The following ABCC4 variants were observed in gnomAD, a reference collection of about 807,000 sequenced individuals.
The protein encoded by ABCC4 is ATP-binding cassette sub-family C member 4.
In ABCC4, 102 loss-of-function variants were observed where a neutral mutation model predicts 168.5. The observed-to-expected ratio is 0.61, with a 90% CI of 0.52 to 0.71. ABCC4 has a LOEUF of 0.71. Among genes scored for constraint, ABCC4 ranks in the 30% least tolerant of loss-of-function variants. ABCC4 has a pLI of 0.00. For synonymous variants in ABCC4, 617 were observed against 590.7 expected, an observed-to-expected ratio of 1.04 and a Z score of -0.65; for missense variants, 1,402 against 1,605.8, an observed-to-expected ratio of 0.87 and a Z score of 2.17.
At chr13:95,128,828 CA>C (rs1373483003) in intron 19 of ABCC4, among the ~76,000 whole-genome samples, 1 of 152,166 alleles carries the variant, frequency 6.6e-6, no homozygotes, top group Non-Finnish European at 1.5e-5. Flanking sequence ...CACAACTCCC[CA>C]TGAAAACCTA....
At chr13:95,037,724 C>T (rs920853703) in intron 29 of ABCC4, among the ~76,000 whole-genome samples, 1 of 152,192 alleles carries the variant, frequency 6.6e-6, no homozygotes, top group Admixed American at 6.5e-5. Flanking sequence ...TGGATAATAA[C>T]TGCATATTTT....
In ABCC4 at chr13:95,234,646, C is replaced by T. The variant is rs1594350209; in HGVS notation, c.495G>A (p.Arg165=). ...TCATATGGCACATGGCTACTCGTAACCTCATCCCAGCACACTGAACGTGAT... is the reference window on the plus strand; with the variant it reads ...TCATATGGCACATGGCTACTCGTAATCTCATCCCAGCACACTGAACGTGAT... ...YFYHVQCAGM[R]LRVAMCHMIY... Residue 165 remains arginine, a synonymous_variant, in exon 4 of 31, where the codon AGG becomes AGA. Transcript: ENST00000645237. 1.2e-6 allele frequency: 2 copies of T among 1,614,020 alleles called. No individual in the cohort carries two copies. Among genetic ancestry groups the T allele is most frequent in the Admixed American group, 1.7e-5 (1 of 59,986 alleles).
chr13:95,218,379 G>T (rs930872856), intron 4 of ABCC4, among the ~76,000 whole-genome samples: 4 of 152,184 alleles, frequency 2.6e-5, no homozygotes, highest in Admixed American at 2.6e-4. Context: ...GACTACCAAA[G>T]TCACATTCCT....
At chr13:95,102,988 C>T (rs1374989262) in intron 20 of ABCC4, among the ~76,000 whole-genome samples, 6 of 151,158 alleles carry the variant, frequency 4.0e-5, no homozygotes, top group African/African-American at 9.7e-5. Flanking sequence ...GAAGCTGGGC[C>T]GGGCGCAGTG....
chr13:95,099,325 G>A (rs1001465490), intron 20 of ABCC4, among the ~76,000 whole-genome samples: 2 of 152,158 alleles, frequency 1.3e-5, no homozygotes, highest in Admixed American at 6.6e-5. Flanking sequence ...CAGAAATCTG[G>A]AAGAGGTGTA....
chr13:95,236,959 A>G (rs1043248958), intron 3 of ABCC4, among the ~76,000 whole-genome samples: 12 of 152,208 alleles, frequency 7.9e-5, no homozygotes, highest in African/African-American at 2.9e-4. Flanking sequence ...CCAGGGCCGC[A>G]GCAGACACAC....
intron 14 of ABCC4, among the ~76,000 whole-genome samples, chr13:95,168,447 G>C (rs7322519): frequency 6.6e-6 from 1 of 152,116 alleles, no homozygotes; most frequent in Non-Finnish European, 1.5e-5. Context: ...CTGTTCTTTA[G>C]GCAGCAAGGA....
chr13:95,107,282 G>C (rs988979280), intron 20 of ABCC4, among the ~76,000 whole-genome samples: 24 of 152,000 alleles, frequency 1.6e-4, no homozygotes, highest in African/African-American at 5.8e-4. Flanking sequence ...AACAAAACTA[G>C]AGTATTCAAA....
chr13:95,273,819 T>TG (rs10640173), intron 1 of ABCC4, among the ~76,000 whole-genome samples: 8,581 of 111,016 alleles, frequency 0.077, 377 homozygotes, highest in African/African-American at 0.1. Flanking sequence ...TTGGTTTGTT[T>TG]TTTTTTTTTT....
chr13:95,280,572 TA>T (rs61654581), intron 1 of ABCC4, among the ~76,000 whole-genome samples: 2,491 of 130,948 alleles, frequency 0.019, 43 homozygotes, highest in East Asian at 0.085. Context: ...TGCCTTCTAT[TA>T]AAAAAAAAAA....
intron 26 of ABCC4, among the ~76,000 whole-genome samples, chr13:95,060,521 T>C (rs2033246858): frequency 6.6e-6 from 1 of 152,338 alleles, no homozygotes; most frequent in African/African-American, 2.4e-5. Context: ...TTTACAGACA[T>C]GCCCATTATC....
At chr13:95,255,571 T>C (rs922973753) in intron 1 of ABCC4, among the ~76,000 whole-genome samples, 11 of 152,286 alleles carry the variant, frequency 7.2e-5, no homozygotes, top group Non-Finnish European at 1.2e-4. Flanking sequence ...CCAAGTAAAT[T>C]AAACTCAGGT....
At chr13:95,081,123 C>T (rs901369799) in intron 21 of ABCC4, among the ~76,000 whole-genome samples, 4 of 152,126 alleles carry the variant, frequency 2.6e-5, no homozygotes, top group Admixed American at 6.6e-5. Flanking sequence ...AATCAGGGTA[C>T]AGGAACACCC....
intron 25 of ABCC4, among the ~76,000 whole-genome samples, chr13:95,064,074 T>A (rs2033401485): frequency 6.6e-6 from 1 of 152,112 alleles, no homozygotes; most frequent in East Asian, 1.9e-4. Flanking sequence ...AATAATGGCA[T>A]TTCCACAAGG....
At chr13:95,065,031 C>T (rs965244774) in intron 25 of ABCC4, among the ~76,000 whole-genome samples, 3 of 152,142 alleles carry the variant, frequency 2.0e-5, no homozygotes, top group African/African-American at 7.2e-5. Context: ...GACATTTGTA[C>T]TTGGATCTCT....
chr13:95,286,320 A>C (rs967884701), intron 1 of ABCC4, among the ~76,000 whole-genome samples: 1 of 151,632 alleles, frequency 6.6e-6, no homozygotes, highest in Non-Finnish European at 1.5e-5. Flanking sequence ...GGGTTCCACT[A>C]TGTTGGCCAG....
chr13:95,264,380 A>G (rs1364951807), intron 1 of ABCC4, among the ~76,000 whole-genome samples: 2 of 152,204 alleles, frequency 1.3e-5, no homozygotes, highest in Non-Finnish European at 2.9e-5. Context: ...ATCTCCCCAT[A>G]AAACACTTAC....
At chr13:95,075,282 G>A (rs1004778058) in intron 22 of ABCC4, 150 bp downstream of exon 22, 1 of 980,086 alleles carries the variant, frequency 1.0e-6, no homozygotes, top group Non-Finnish European at 1.5e-6. Context: ...CAGAAGAAGG[G>A]GATGGGGAAG....
chr13:95,196,635 A>AG (rs1198728304), intron 8 of ABCC4, among the ~76,000 whole-genome samples: 1 of 9,088 alleles, frequency 1.1e-4, no homozygotes, highest in Non-Finnish European at 2.4e-4. Flanking sequence ...GAAGGAAGGA[A>AG]GGAAGGAAGG....
Sources: gnomAD v4.1 joint callset for allele counts (sites outside exome capture counted in the v4.1 genomes callset) on GRCh38, gnomAD v4.1.1 for gene constraint, MANE v1.5 for transcripts, NCBI Gene and HGNC (gene_info 2026-07-23, HGNC 2026-07-21) for gene names.